The following CCDC3 variants were observed in gnomAD, a reference collection of about 807,000 sequenced individuals.
CCDC3 encodes the protein coiled-coil domain containing 3.
Under a neutral mutation model 21.4 loss-of-function variants are expected in CCDC3, and 24 were observed. The ratio of observed to expected loss-of-function variants is 1.12; its 90% CI spans 0.81 to 1.58. CCDC3 has a LOEUF of 1.58. CCDC3 is among the 40% of genes most tolerant of loss of function. The pLI, the probability that CCDC3 is intolerant of heterozygous loss-of-function variation, is 0.00. For missense variants in CCDC3, 425 were observed against 360.9 expected (o/e 1.18, Z -1.44); for synonymous variants, 186 against 166.0 (o/e 1.12, Z -0.93).
chr10:12,929,261 C>CAAAAAA (rs10609537), intron 2 of CCDC3, among the ~76,000 whole-genome samples: 2 of 104,580 alleles, frequency 1.9e-5, no homozygotes, highest in Non-Finnish European at 3.8e-5. Context: ...GATTCCATCT[C>CAAAAAA]AAAAAAAAAA....
At chr10:12,979,333 C>CT (rs1835462502) in intron 2 of CCDC3, among the ~76,000 whole-genome samples, 1 of 151,928 alleles carries the variant, frequency 6.6e-6, no homozygotes, top group African/African-American at 2.4e-5. Context: ...CCCTCCCTTT[C>CT]TTTTTTTCCC....
At chr10:13,032,435 C>G (rs1836317523) in intron 5 of CCDC3, among the ~76,000 whole-genome samples, 2 of 152,134 alleles carry the variant, frequency 1.3e-5, no homozygotes, top group Admixed American at 1.3e-4. Flanking sequence ...TGGCATAAGA[C>G]AGGGATGCCC....
chr10:13,028,447 A>G (rs1195040658), intron 5 of CCDC3, among the ~76,000 whole-genome samples: 1 of 152,186 alleles, frequency 6.6e-6, no homozygotes, highest in Non-Finnish European at 1.5e-5. Context: ...TAATACACAC[A>G]ACCCATAACA....
chr10:13,032,522 A>G (rs1182589916), intron 5 of CCDC3, among the ~76,000 whole-genome samples: 6 of 152,180 alleles, frequency 3.9e-5, no homozygotes, highest in Non-Finnish European at 7.3e-5. Context: ...AATAAAGGGT[A>G]TTCAATTAGG....
chr10:13,024,289 A>G (rs887574855), intron 5 of CCDC3, among the ~76,000 whole-genome samples: 1 of 152,100 alleles, frequency 6.6e-6, no homozygotes, highest in African/African-American at 2.4e-5. Flanking sequence ...ATATGCATCA[A>G]ACTGTAATCT....
At chr10:12,943,653 T>C (rs1445570867) in intron 2 of CCDC3, among the ~76,000 whole-genome samples, 1 of 152,198 alleles carries the variant, frequency 6.6e-6, no homozygotes, top group African/African-American at 2.4e-5. Context: ...TAGGGTGGGA[T>C]GGCCAGCCTC....
intron 4 of CCDC3, chr10:13,058,703 G>A: frequency 2.6e-6 from 1 of 384,268 alleles, no homozygotes. Context: ...CTGCATCTGT[G>A]GCTCGACAGA....
chr10:12,917,577 T>C (rs1333364823), intron 2 of CCDC3, among the ~76,000 whole-genome samples: 7 of 152,148 alleles, frequency 4.6e-5, no homozygotes, highest in Admixed American at 2.0e-4. Flanking sequence ...GGTGTTTTCA[T>C]GTAGGGAGAG....
At chr10:12,912,836 A>AT (rs1834291104) in intron 2 of CCDC3, among the ~76,000 whole-genome samples, 1 of 151,930 alleles carries the variant, frequency 6.6e-6, no homozygotes, top group Non-Finnish European at 1.5e-5. Context: ...TAGATACTCA[A>AT]TTTTTCCAGC....
intron 5 of CCDC3, among the ~76,000 whole-genome samples, chr10:13,036,454 A>C (rs1836378331): frequency 1.3e-5 from 2 of 152,152 alleles, no homozygotes; most frequent in South Asian, 4.1e-4. Flanking sequence ...GCTAGACAGA[A>C]AAGTGAAGGC....
At position 13,058,246 on chromosome 10, in the gene CCDC3, G is replaced by C. The variant is rs1189668014; in HGVS notation, c.-269-8305C>G. ...TTCTGGCAAGGCCTGCATCCAAATA[G>C]CAGGTAAAGGCACCTGGCTGACCAT... On this transcript the variant is annotated intron_variant, in intron 4 of 6. Coordinates refer to the CCDC3 transcript ENST00000378839. The C allele has an allele frequency of 2.2e-6, 3 of 1,352,596 alleles. No individual in the cohort carries two copies. In the East Asian group the frequency reaches 6.9e-5, roughly 31 times the overall value. 83.8% of individuals were successfully genotyped at this position (1,352,596 alleles called of 1,614,324 possible).
chr10:12,937,736 G>C (rs201605844), intron 2 of CCDC3, among the ~76,000 whole-genome samples: 1 of 152,210 alleles, frequency 6.6e-6, no homozygotes, highest in Admixed American at 6.5e-5. Context: ...TAGCTTGCAG[G>C]CATGGCTAAG....
intron 2 of CCDC3, among the ~76,000 whole-genome samples, chr10:12,948,148 G>A (rs1222406154): frequency 6.6e-6 from 1 of 152,036 alleles, no homozygotes; most frequent in Non-Finnish European, 1.5e-5. Context: ...AGTCCCACGA[G>A]ATCTGATGGT....
chr10:13,046,557 A>T (rs1237574819), intron 5 of CCDC3, among the ~76,000 whole-genome samples: 3 of 139,760 alleles, frequency 2.1e-5, no homozygotes, highest in Admixed American at 7.3e-5. Context: ...ACAAAAAAAA[A>T]TTAGCCAGGT....
intron 4 of CCDC3, among the ~76,000 whole-genome samples, chr10:13,068,608 G>C (rs1444967295): frequency 6.6e-6 from 1 of 152,030 alleles, no homozygotes; most frequent in Non-Finnish European, 1.5e-5. Context: ...TTTGGTTTTT[G>C]TGAACAGTTT....
intron 4 of CCDC3, among the ~76,000 whole-genome samples, chr10:13,059,449 C>T (rs536882174): frequency 2.0e-5 from 3 of 152,168 alleles, no homozygotes; most frequent in South Asian, 4.2e-4. Flanking sequence ...CTAATTAAAA[C>T]GGGATGGGAG....
chr10:12,928,797 TCTC>T (rs1450016707), intron 2 of CCDC3, among the ~76,000 whole-genome samples: 1 of 152,088 alleles, frequency 6.6e-6, no homozygotes, highest in Admixed American at 6.5e-5. Context: ...GAAGCATCGT[TCTC>T]CTGTTCCAGC....
chr10:13,082,012 G>A (rs142836570), intron 3 of CCDC3, among the ~76,000 whole-genome samples: 28 of 152,314 alleles, frequency 1.8e-4, no homozygotes, highest in Non-Finnish European at 2.5e-4. Flanking sequence ...GTCAGCCCCC[G>A]AGGGCCATCC....
At chr10:12,901,691 CCTCGTGCA>C (rs1480973739) in intron 2 of CCDC3, among the ~76,000 whole-genome samples, 3 of 152,190 alleles carry the variant, frequency 2.0e-5, no homozygotes, top group Non-Finnish European at 4.4e-5. Flanking sequence ...AGAACCATGC[CCTCGTGCA>C]CAGTAAACGT....
Sources: allele counts gnomAD v4.1 joint callset (sites outside exome capture counted in the v4.1 genomes callset), GRCh38; gene constraint gnomAD v4.1.1; transcripts MANE v1.5; gene names NCBI Gene and HGNC (gene_info 2026-07-23, HGNC 2026-07-21).